Variants in TCEANC2 observed in about 807,000 individuals in gnomAD.
TCEANC2 encodes transcription elongation factor A N-terminal and central domain containing 2.
A neutral mutation model predicts 22.8 loss-of-function variants in TCEANC2; 20 were observed. The observed-to-expected ratio is 0.88, with a 90% CI of 0.62 to 1.28. The LOEUF is 1.28. TCEANC2 is among the 50% of genes most tolerant of loss of function. The pLI is 0.00. For missense variants in TCEANC2, 251 were observed against 249.7 expected (o/e 1.01, Z -0.03); for synonymous variants, 84 against 95.5 (o/e 0.88, Z 0.70).
At chr1:54,079,735 T>A (rs1557690870) in intron 3 of TCEANC2, among the ~76,000 whole-genome samples, 2 of 152,140 alleles carry the variant, frequency 1.3e-5, no homozygotes, top group South Asian at 2.1e-4. Context: ...CTTAATCACA[T>A]CTATAGTCTC....
intron 4 of TCEANC2, among the ~76,000 whole-genome samples, chr1:54,091,994 G>A (rs547205513): frequency 3.3e-5 from 5 of 152,304 alleles, no homozygotes; most frequent in East Asian, 1.9e-4. Context: ...TCAGGGGTAC[G>A]TCCCCATATG....
At chr1:54,084,807 T>C (rs72904395) in intron 3 of TCEANC2, among the ~76,000 whole-genome samples, 2,756 of 152,132 alleles carry the variant, frequency 0.018, 83 homozygotes, top group African/African-American at 0.063. Context: ...TGGATCTAGG[T>C]CTGATATCCT....
chr1:54,089,016 G>C (rs913450115), intron 4 of TCEANC2, among the ~76,000 whole-genome samples: 1 of 152,162 alleles, frequency 6.6e-6, no homozygotes, highest in East Asian at 1.9e-4. Context: ...CAGTGTTGTA[G>C]GAGGCAGGCT....
chr1:54,090,478 T>C (rs1292898963), intron 4 of TCEANC2, among the ~76,000 whole-genome samples: 1 of 152,214 alleles, frequency 6.6e-6, no homozygotes, highest in African/African-American at 2.4e-5. Flanking sequence ...TTGCAGAATA[T>C]TGATGTAATT....
At position 54,097,362 on chromosome 1, in the gene TCEANC2, A is replaced by AG. The variant is rs978863619; in HGVS notation, c.*890dup. On this transcript the variant is annotated 3_prime_UTR_variant, in exon 5 of 5. Transcript: ENST00000234827. The stretch of plus-strand genomic sequence containing the variant: ...GTTCACTGAAAAGTGTTTTGAGTTG[A>AG]GAAGGGGTACAGTTGGTGAAATTTA... 1 of 152,130 alleles carries AG rather than the reference A, an allele frequency of 6.6e-6. No homozygotes were observed. Among genetic ancestry groups the AG allele is most frequent in the Non-Finnish European group, 1.5e-5 (1 of 68,034 alleles). 9.4% of individuals were successfully genotyped at this position (152,130 alleles called of 1,614,324 possible).
rs1299229584 is a variant in TCEANC2, at chr1:54,065,743, T to C, written c.103-3013T>C. ...TATATATATATATAAGGGTAAACACTCAAATCATAGAAATATAATAAGTAA... is the reference window on the plus strand; with the variant it reads ...TATATATATATATAAGGGTAAACACCCAAATCATAGAAATATAATAAGTAA... On this transcript the variant is annotated intron_variant, in intron 2 of 4. Coordinates refer to ENST00000234827, the MANE Select transcript of TCEANC2 (RefSeq NM_153035.3). 2.0e-5 allele frequency among the ~76,000 whole-genome samples: 3 copies of C among 148,880 alleles called. No individual in the cohort carries two copies. The East Asian group carries it at 6.0e-4, about 30-fold the overall frequency.
chr1:54,084,580 G>A (rs1333127946), intron 3 of TCEANC2, among the ~76,000 whole-genome samples: 8 of 152,004 alleles, frequency 5.3e-5, no homozygotes, highest in Non-Finnish European at 1.0e-4. Flanking sequence ...TGTTTAAATG[G>A]GCCGGGCTCG....
At position 54,068,819 on chromosome 1, in the gene TCEANC2, A is replaced by G. The variant is rs144986013; in HGVS notation, c.166A>G (p.Lys56Glu). The G allele has an allele frequency of 2.7e-4, 433 of 1,612,708 alleles. 1 individual carries two copies. In the Middle Eastern group the frequency reaches 5.7e-3, roughly 21 times the overall value. Residue 56 changes from lysine (K) to glutamate (E), a missense_variant, in exon 3 of 5, where the codon AAA becomes GAA. Transcript: ENST00000234827. ...TATGCTGGAGCTTCCTGATCAAACC[A>G]AAGAGAATCTTGTTGAAGCCTTACA... Reference protein sequence around the residue: ...KTMLELPDQTKENLVEALQEL... With the variant: ...KTMLELPDQTEENLVEALQEL...
At chr1:54,065,698 G>A (rs932427080) in intron 2 of TCEANC2, among the ~76,000 whole-genome samples, 63 of 149,600 alleles carry the variant, frequency 4.2e-4, no homozygotes, top group African/African-American at 1.5e-3. Flanking sequence ...GGGCAACAGA[G>A]CATGACTCTG....
intron 2 of TCEANC2, among the ~76,000 whole-genome samples, chr1:54,064,685 A>G (rs1346368260): frequency 8.0e-6 from 1 of 125,270 alleles, no homozygotes; most frequent in Middle Eastern, 4.2e-3. Flanking sequence ...TTGGTTGTGC[A>G]TTTTTCCTTT....
chr1:54,084,259 C>T (rs1387650746), intron 3 of TCEANC2, among the ~76,000 whole-genome samples: 1 of 152,104 alleles, frequency 6.6e-6, no homozygotes, highest in Non-Finnish European at 1.5e-5. Flanking sequence ...GGGTTCCACC[C>T]ACCTCAGCCT....
intron 2 of TCEANC2, among the ~76,000 whole-genome samples, chr1:54,062,609 A>G (rs1657879540): frequency 6.6e-6 from 1 of 152,220 alleles, no homozygotes; most frequent in Non-Finnish European, 1.5e-5. Flanking sequence ...TAGATGCAAT[A>G]ATAGGAGTCT....
At chr1:54,110,492 T>A (rs1022759398), downstream of TCEANC2, among the ~76,000 whole-genome samples, 1 of 151,872 alleles carries the variant, frequency 6.6e-6, no homozygotes, top group Non-Finnish European at 1.5e-5. Flanking sequence ...TGGTCCCAGC[T>A]ACTTGGGAGG....
chr1:54,068,977 C>T, intron 3 of TCEANC2, 80 bp downstream of exon 3: 1 of 1,349,732 alleles, frequency 7.4e-7, no homozygotes, highest in Non-Finnish European at 9.6e-7. Flanking sequence ...CTCCTTCAAA[C>T]ATGAAGTTAT....
At chr1:54,092,674 CAAAT>C (rs1216657090) in intron 4 of TCEANC2, among the ~76,000 whole-genome samples, 1 of 152,160 alleles carries the variant, frequency 6.6e-6, no homozygotes, top group African/African-American at 2.4e-5. Context: ...GGAAGACAGA[CAAAT>C]AGATAGTTAC....
In TCEANC2 at chr1:54,096,173, C is replaced by A; in HGVS notation, c.439-112C>A. 1 of 1,401,218 alleles carries A rather than the reference C, an allele frequency of 7.1e-7. No individual in the cohort carries two copies. Among genetic ancestry groups the A allele is most frequent in the Non-Finnish European group, 9.4e-7 (1 of 1,060,002 alleles). 86.8% of individuals were successfully genotyped at this position (1,401,218 alleles called of 1,614,324 possible). ...TTCTCTTGTGACAGGAAGTAGATGT[C>A]CTTGAATTTCAGTTGATTAATGGAG... On this transcript the variant is annotated intron_variant, in intron 4 of 4. Coordinates refer to ENST00000234827, the MANE Select transcript of TCEANC2 (RefSeq NM_153035.3). The surrounding 1 kb of genome is among the most constrained non-coding windows in gnomAD (Gnocchi z 4.9).
chr1:54,100,286 C>T lies in TCEANC2; in HGVS notation c.*3813C>T, dbSNP rs964061987. On this transcript the variant is annotated 3_prime_UTR_variant, in exon 5 of 5. Transcript: ENST00000234827. The stretch of plus-strand genomic sequence containing the variant: ...AAATAAATAAATAAAAATTGGAGGT[C>T]TTGGTCCTCTGTGTAGGGACTCAGT... The T allele has an allele frequency of 2.0e-5, 3 of 152,072 alleles. No homozygotes were observed. The highest frequency in any genetic ancestry group is 7.2e-5 in the African/African-American group (3 of 41,392). 9.4% of individuals were successfully genotyped at this position (152,072 alleles called of 1,614,324 possible). A position where few individuals can be genotyped will look rare whatever the true frequency, so the allele number is the denominator to read the frequency against.
At position 54,068,913 on chromosome 1, in the gene TCEANC2, A is replaced by G; in HGVS notation, c.244+16A>G. On this transcript the variant is annotated intron_variant, in intron 3 of 4. Transcript: ENST00000234827. Reference sequence around the variant, plus strand: ...ACAAGGATAGGTATATTCCTTCTTAATTTTATTTTTTAAGAAAGCTTATAT... The same window carrying G: ...ACAAGGATAGGTATATTCCTTCTTAGTTTTATTTTTTAAGAAAGCTTATAT... The G allele has an allele frequency of 1.3e-6, 2 of 1,524,448 alleles. No homozygotes were observed. The highest frequency in any genetic ancestry group is 1.8e-6 in the Non-Finnish European group (2 of 1,142,484). 94.4% of individuals were successfully genotyped at this position (1,524,448 alleles called of 1,614,324 possible).
chr1:54,078,399 G>T (rs1468804362), intron 3 of TCEANC2, among the ~76,000 whole-genome samples: 1 of 152,104 alleles, frequency 6.6e-6, no homozygotes, highest in East Asian at 1.9e-4. Context: ...TTCCTTCCTG[G>T]TTAGCAGGAT....
Sources: allele counts gnomAD v4.1 joint callset (sites outside exome capture counted in the v4.1 genomes callset), GRCh38; gene constraint gnomAD v4.1.1; non-coding constraint Gnocchi (gnomAD v3.1); transcripts MANE v1.5; gene names NCBI Gene and HGNC (gene_info 2026-07-23, HGNC 2026-07-21).